The following RIC3 variants were observed in gnomAD, a reference collection of about 807,000 sequenced individuals.
The protein encoded by RIC3 is RIC3 acetylcholine receptor chaperone.
RIC3 carries 28 observed loss-of-function variants against 27.3 expected under a neutral mutation model. The observed-to-expected ratio is 1.02, with a 90% CI of 0.76 to 1.41. RIC3 has a LOEUF of 1.41. Ranked by LOEUF, RIC3 falls within the 40% of genes most tolerant of loss-of-function variation. The pLI, the probability that RIC3 is intolerant of heterozygous loss-of-function variation, is 0.00. For synonymous variants in RIC3, 184 were observed against 160.4 expected (o/e 1.15, Z -1.11); for missense variants, 501 against 444.7 (o/e 1.13, Z -1.14).
At chr11:8,101,854 ATGCC>A, downstream of RIC3, 10 of 468,390 alleles carry the variant, frequency 2.1e-5, no homozygotes, top group South Asian at 1.4e-4. Context: ...AATTCTTTCC[ATGCC>A]ACGAGATCAA....
At chr11:8,094,138 G>A in the RIC3 span, 1 of 1,614,132 alleles carries the variant, frequency 6.2e-7, no homozygotes. Context: ...GGCAGCTACA[G>A]CAGGGGGCCA....
At chr11:8,123,280 G>C (rs572765248) in intron 5 of RIC3, among the ~76,000 whole-genome samples, 115 of 151,794 alleles carry the variant, frequency 7.6e-4, no homozygotes, top group Non-Finnish European at 1.4e-3. Flanking sequence ...ATAAAAGAGA[G>C]ACAAAAAGAC....
rs922971977 is a variant in RIC3 at position 8,106,673 on chromosome 11, G to C, written c.*4025C>G. The C allele has an allele frequency of 1.5e-5, 1 of 65,738 alleles. No homozygotes were observed. The highest frequency in any genetic ancestry group is 2.9e-5 in the Non-Finnish European group (1 of 34,744). 4.1% of individuals were successfully genotyped at this position (65,738 alleles called of 1,614,324 possible). ...CCCTAACCCATTTAAACAGGACCTC[G>C]AGATGCTTAGGAATCTTTTTTTGTT... is the stretch of plus-strand genomic sequence containing the variant. On this transcript the variant is annotated 3_prime_UTR_variant, in exon 6 of 6. Coordinates refer to ENST00000309737, the MANE Select transcript of RIC3 (RefSeq NM_001206671.4).
the RIC3 span, chr11:8,098,875 CG>C: frequency 1.2e-6 from 2 of 1,609,670 alleles, no homozygotes; most frequent in Non-Finnish European, 1.7e-6. Flanking sequence ...CTGTGTGCTA[CG>C]TGAGTCCTAG....
At position 8,110,949 on chromosome 11, in the gene RIC3, C is replaced by T. The variant is rs1298395480; in HGVS notation, c.859G>A (p.Ala287Thr). The T allele has an allele frequency of 1.9e-6, 3 of 1,614,186 alleles. No homozygotes were observed. The highest frequency in any genetic ancestry group is 2.5e-6 in the Non-Finnish European group (3 of 1,180,044). Residue 287 changes from alanine (A) to threonine (T), a missense_variant, in exon 6 of 6, where the codon GCC (alanine) becomes ACC (threonine). By Grantham distance (58) the Ala-to-Thr change is moderately conservative. Coordinates refer to ENST00000309737, the MANE Select transcript of RIC3 (RefSeq NM_001206671.4). ...GAGGTAACAGAATTATCTTCCTGGG[C>T]TCTGGGGTCAGTGGGCAGACTTTCC... is the stretch of plus-strand genomic sequence containing the variant. ...GWESLPTDPR[A>T]QEDNSVTSCD...
At chr11:8,106,012 A>G (rs1474394561), downstream of RIC3, 1 of 152,168 alleles carries the variant, frequency 6.6e-6, no homozygotes, top group Non-Finnish European at 1.5e-5. Flanking sequence ...TGGAGTGGTC[A>G]GACATTTTAT....
At position 8,139,939 on chromosome 11, in the gene RIC3, G is replaced by T. The variant is rs374593989; in HGVS notation, c.351+28C>A. On this transcript the variant is annotated intron_variant, in intron 2 of 5. Coordinates refer to ENST00000309737, the MANE Select transcript of RIC3 (RefSeq NM_001206671.4). Reference sequence around the variant, plus strand: ...ATTGCCATATTAGATTTTCATTGATGTAATATGATTAGGATGATTCTACTT... The same window carrying T: ...ATTGCCATATTAGATTTTCATTGATTTAATATGATTAGGATGATTCTACTT... 5 of 1,561,836 alleles carry T rather than the reference G, an allele frequency of 3.2e-6. No homozygotes were observed. The African/African-American group carries it at 6.8e-5, about 21-fold the overall frequency.
In RIC3 at chr11:8,168,985, G is replaced by T. The variant is rs1952029505; in HGVS notation, c.5C>A (p.Ala2Glu). 17 of 1,585,246 alleles carry T rather than the reference G, an allele frequency of 1.1e-5. No homozygotes were observed. Among genetic ancestry groups the T allele is most frequent in the Non-Finnish European group, 1.5e-5 (17 of 1,168,464 alleles). M[A>E]YSTVQRVALA... is the part of the protein sequence containing the mutation. ...AGCGACTCTCTGCACTGTGGAGTAC[G>T]CCATGACTGCTCACGGTGGTCGCAG... Residue 2 changes from alanine to glutamate, a missense_variant, in exon 1 of 6, where the codon GCG becomes GAG. Physicochemically the swap from Ala to Glu is moderately radical, Grantham distance 107. Coordinates refer to ENST00000309737, the MANE Select transcript of RIC3 (RefSeq NM_001206671.4).
At chr11:8,100,444 A>C in the RIC3 span, 5 of 1,370,986 alleles carry the variant, frequency 3.6e-6, no homozygotes, top group African/African-American at 4.3e-5. Flanking sequence ...CGTCCCCCCC[A>C]CCTTCTCCAG....
At chr11:8,159,465 G>C (rs193164055) in intron 1 of RIC3, among the ~76,000 whole-genome samples, 1 of 152,202 alleles carries the variant, frequency 6.6e-6, no homozygotes, top group Non-Finnish European at 1.5e-5. Flanking sequence ...GGAGAGATGT[G>C]AGTTGACTTA....
chr11:8,126,425 G>A (rs539524718), intron 5 of RIC3, among the ~76,000 whole-genome samples: 4 of 152,306 alleles, frequency 2.6e-5, no homozygotes, highest in African/African-American at 7.2e-5. Flanking sequence ...CAGGAGAAGG[G>A]CATTAGCTAC....
rs1356416795 is a variant in RIC3, at chr11:8,109,133, T to C, written c.*1565A>G. The stretch of plus-strand genomic sequence containing the variant: ...TGTAACTCAATTAACAATAAATGCC[T>C]AGTAGTAGCTGACAGATTATCTTAA... On this transcript the variant is annotated 3_prime_UTR_variant, in exon 6 of 6. Coordinates refer to ENST00000309737, the MANE Select transcript of RIC3 (RefSeq NM_001206671.4). 1 of 152,228 alleles carries C rather than the reference T, an allele frequency of 6.6e-6. No individual in the cohort carries two copies. Among genetic ancestry groups the C allele is most frequent in the African/African-American group, 2.4e-5 (1 of 41,456 alleles). The allele number at this position is 152,228 out of a possible 1,614,324, so 9.4% of individuals were successfully genotyped here. A position where few individuals can be genotyped will look rare whatever the true frequency, so the allele number is the denominator to read the frequency against.
chr11:8,160,207 C>T (rs1233046722), intron 1 of RIC3, among the ~76,000 whole-genome samples: 1 of 151,958 alleles, frequency 6.6e-6, no homozygotes, highest in Non-Finnish European at 1.5e-5. Flanking sequence ...AAAAATGATC[C>T]AATGTCTAGG....
intron 5 of RIC3, among the ~76,000 whole-genome samples, chr11:8,121,385 C>G (rs578259063): frequency 6.6e-6 from 1 of 152,144 alleles, no homozygotes; most frequent in African/African-American, 2.4e-5. Flanking sequence ...GTAAGGATAT[C>G]AGTGTTTTCT....
chr11:8,139,836 G>C (rs1948843421), intron 2 of RIC3, 131 bp downstream of exon 2: 1 of 758,572 alleles, frequency 1.3e-6, no homozygotes, highest in South Asian at 1.9e-5. Flanking sequence ...TCATGAAGAG[G>C]AGGCAGGATT....
chr11:8,163,625 AT>A (rs1376435592), intron 1 of RIC3, among the ~76,000 whole-genome samples: 1 of 152,136 alleles, frequency 6.6e-6, no homozygotes, highest in Non-Finnish European at 1.5e-5. Context: ...AAAGAATAAA[AT>A]ACTTATGAAT....
Position 8,109,905 on chromosome 11 carries a change from A to G in RIC3, c.*793T>C, listed in dbSNP as rs1945053858. ...GCCTCAAGTCTTGACTCTGCAGGGC[A>G]GGGTCTAAAGTCTCTATCTAAAGCT... is the stretch of plus-strand genomic sequence containing the variant. On this transcript the variant is annotated 3_prime_UTR_variant, in exon 6 of 6. Transcript: ENST00000309737. 6.6e-6 allele frequency: 1 copy of G among 152,386 alleles called. No individual in the cohort carries two copies. The highest frequency in any genetic ancestry group is 2.4e-5 in the African/African-American group (1 of 41,450). 9.4% of individuals were successfully genotyped at this position (152,386 alleles called of 1,614,324 possible).
At chr11:8,136,376 G>T (rs1390218261) in intron 4 of RIC3, among the ~76,000 whole-genome samples, 1 of 152,198 alleles carries the variant, frequency 6.6e-6, no homozygotes, top group Non-Finnish European at 1.5e-5. Flanking sequence ...CCTTCTGCAT[G>T]GGATTCTGCC....
At chr11:8,149,062 G>A (rs12360649) in intron 1 of RIC3, among the ~76,000 whole-genome samples, 5,277 of 150,584 alleles carry the variant, frequency 0.035, 115 homozygotes, top group Middle Eastern at 0.078. Context: ...GTATGGTGGC[G>A]GGCACCTGTA....
Sources: allele counts gnomAD v4.1 joint callset (sites outside exome capture counted in the v4.1 genomes callset), GRCh38; gene constraint gnomAD v4.1.1; transcripts MANE v1.5; gene names NCBI Gene and HGNC (gene_info 2026-07-23, HGNC 2026-07-21).